Variants in ZNF407 observed in about 807,000 individuals in gnomAD.
ZNF407 encodes zinc finger protein 407.
A neutral mutation model predicts 131.2 loss-of-function variants in ZNF407; 17 were observed. That is an observed-to-expected ratio of 0.13 (90% confidence interval 0.09 to 0.19). The LOEUF (loss-of-function observed/expected upper bound fraction) is 0.19. Among genes scored for constraint, ZNF407 ranks in the 10% least tolerant of loss-of-function variants. ZNF407 has a pLI of 1.00. For synonymous variants in ZNF407, 1,156 were observed against 1,062.0 expected, an observed-to-expected ratio of 1.09 and a Z score of -1.72; for missense variants, 2,681 against 2,830.6, an observed-to-expected ratio of 0.95 and a Z score of 1.20.
intron 8 of ZNF407, among the ~76,000 whole-genome samples, chr18:75,015,506 TATATATA>T (rs904320666): frequency 2.0e-5 from 3 of 148,056 alleles, no homozygotes; most frequent in African/African-American, 4.9e-5. Flanking sequence ...GGAGAATATA[TATATATA>T]ATATATATGT....
At chr18:74,959,294 A>G (rs890425905) in intron 8 of ZNF407, among the ~76,000 whole-genome samples, 5 of 152,194 alleles carry the variant, frequency 3.3e-5, no homozygotes, top group African/African-American at 9.7e-5. Context: ...CATCATCAGT[A>G]TTGTCATGAC....
chr18:74,749,899 T>A (rs1203610652), intron 3 of ZNF407, among the ~76,000 whole-genome samples: 1 of 152,170 alleles, frequency 6.6e-6, no homozygotes, highest in Non-Finnish European at 1.5e-5. Flanking sequence ...TATTGGAAAC[T>A]ATAAAAATTA....
In ZNF407 at chr18:74,730,468, GTC is replaced by G. The variant is rs781137611; in HGVS notation, c.4803-50959_4803-50958del. Among the ~76,000 whole-genome samples, 123 of 152,244 alleles carry G rather than the reference GTC, an allele frequency of 8.1e-4. 1 individual carries two copies. Among genetic ancestry groups the G allele is most frequent in the Admixed American group, 2.8e-3 (43 of 15,292 alleles). Reference sequence around the variant, plus strand: ...AGAAAAGAAGCAATTGCTGCCTTGTGTCCTGTCATTACCCGAAGTAGCTACTG... The same window carrying G: ...AGAAAAGAAGCAATTGCTGCCTTGTGCTGTCATTACCCGAAGTAGCTACTG... On this transcript the variant is annotated intron_variant, in intron 3 of 8. Transcript: ENST00000299687.
chr18:74,883,582 G>A (rs1272952088), intron 6 of ZNF407, among the ~76,000 whole-genome samples: 1 of 152,160 alleles, frequency 6.6e-6, no homozygotes, highest in Non-Finnish European at 1.5e-5. Context: ...ACCTGTCAGG[G>A]ACCCTTGATT....
intron 8 of ZNF407, among the ~76,000 whole-genome samples, chr18:75,041,597 G>A (rs915338205): frequency 6.7e-6 from 1 of 148,264 alleles, no homozygotes; most frequent in Admixed American, 6.7e-5. Flanking sequence ...GGCTGATACT[G>A]TAGCGCATGT....
At chr18:74,658,071 A>G (rs1029302835) in intron 3 of ZNF407, among the ~76,000 whole-genome samples, 6 of 150,696 alleles carry the variant, frequency 4.0e-5, no homozygotes, top group South Asian at 2.1e-4. Context: ...TCCTTCTCCA[A>G]TTGAACATCA....
Position 74,631,921 on chromosome 18 carries a change from T to C in ZNF407, c.902T>C (p.Val301Ala). The change falls in exon 2 of 9, where the codon GTT becomes GCT. Residue 301 changes from valine to alanine, a missense_variant. Val to Ala is a moderately conservative substitution (Grantham distance 64). Around this residue, in one of 6 missense-constraint regions of ZNF407, gnomAD observed 1,789 missense variants for 1,748.7 expected, o/e 1.02. Coordinates refer to ENST00000299687, the MANE Select transcript of ZNF407 (RefSeq NM_017757.3). ...KKSRTMATKNVHSKPRTSKSI... is the reference protein window; with the variant it reads ...KKSRTMATKNAHSKPRTSKSI... The stretch of plus-strand genomic sequence containing the variant: ...TCACGTACAATGGCAACAAAAAATG[T>C]TCACTCAAAACCAAGAACTTCTAAA... 1 of 1,613,944 alleles carries C rather than the reference T, an allele frequency of 6.2e-7. No individual in the cohort carries two copies. Among genetic ancestry groups the C allele is most frequent in the Non-Finnish European group, 8.5e-7 (1 of 1,179,892 alleles).
At chr18:74,988,831 G>A (rs1972684665) in intron 8 of ZNF407, among the ~76,000 whole-genome samples, 1 of 152,184 alleles carries the variant, frequency 6.6e-6, no homozygotes, top group Non-Finnish European at 1.5e-5. Context: ...CCAAATGTTA[G>A]TGAGGATGTA....
intron 3 of ZNF407, among the ~76,000 whole-genome samples, chr18:74,737,370 C>T (rs1968442093): frequency 6.6e-6 from 1 of 152,308 alleles, no homozygotes; most frequent in East Asian, 1.9e-4. Context: ...AAAATACTAT[C>T]TTACTCTGGA....
chr18:74,990,768 A>G (rs992573844), intron 8 of ZNF407, among the ~76,000 whole-genome samples: 4 of 152,218 alleles, frequency 2.6e-5, no homozygotes, highest in Non-Finnish European at 4.4e-5. Context: ...TCTGATGTAT[A>G]TGGGTGGGAT....
At chr18:74,819,807 C>T (rs879537547) in intron 4 of ZNF407, among the ~76,000 whole-genome samples, 6 of 152,196 alleles carry the variant, frequency 3.9e-5, no homozygotes, top group Admixed American at 1.3e-4. Context: ...TCTTACTCTC[C>T]TGAATTATTT....
chr18:74,807,774 A>G (rs573633389), intron 4 of ZNF407, among the ~76,000 whole-genome samples: 1 of 152,146 alleles, frequency 6.6e-6, no homozygotes, highest in Non-Finnish European at 1.5e-5. Flanking sequence ...TTTCCCCCAC[A>G]GATTTTATTG....
intron 8 of ZNF407, among the ~76,000 whole-genome samples, chr18:74,928,955 A>T (rs917638567): frequency 6.6e-6 from 1 of 152,148 alleles, no homozygotes; most frequent in South Asian, 2.1e-4. Context: ...TGAAAAAAGT[A>T]TCCTTTCTAC....
At chr18:74,969,478 T>A (rs1022777139) in intron 8 of ZNF407, among the ~76,000 whole-genome samples, 1 of 152,204 alleles carries the variant, frequency 6.6e-6, no homozygotes. Context: ...GGTGGTTTAA[T>A]TTTTTATGCT....
intron 3 of ZNF407, among the ~76,000 whole-genome samples, chr18:74,641,654 A>G (rs1453171689): frequency 6.6e-6 from 1 of 152,080 alleles, no homozygotes; most frequent in East Asian, 1.9e-4. Flanking sequence ...TTCAAAACTT[A>G]TTTCCTTTTT....
At chr18:74,970,344 C>T (rs1972458645) in intron 8 of ZNF407, among the ~76,000 whole-genome samples, 1 of 152,152 alleles carries the variant, frequency 6.6e-6, no homozygotes. Flanking sequence ...CTTATTTCAG[C>T]ATTAACCCAA....
chr18:74,963,152 C>CTTT (rs36225166), intron 8 of ZNF407, among the ~76,000 whole-genome samples: 6 of 138,470 alleles, frequency 4.3e-5, no homozygotes, highest in Non-Finnish European at 7.9e-5. Context: ...ACCTTCATTC[C>CTTT]TTTTTTTTTT....
chr18:74,775,743 G>A (rs1199766523), intron 3 of ZNF407, among the ~76,000 whole-genome samples: 1 of 152,172 alleles, frequency 6.6e-6, no homozygotes, highest in Non-Finnish European at 1.5e-5. Context: ...TCATGGTTCT[G>A]CAGCCTGTAG....
chr18:74,831,087 A>C (rs902637572), intron 4 of ZNF407, among the ~76,000 whole-genome samples: 1 of 152,204 alleles, frequency 6.6e-6, no homozygotes, highest in African/African-American at 2.4e-5. Flanking sequence ...TATATTGCCA[A>C]AAATGATAGG....
Sources: allele counts gnomAD v4.1 joint callset (sites outside exome capture counted in the v4.1 genomes callset), GRCh38; gene constraint gnomAD v4.1.1; regional missense constraint gnomAD v4.1.1; transcripts MANE v1.5; gene names NCBI Gene and HGNC (gene_info 2026-07-23, HGNC 2026-07-21).